Variants in FBXL8 observed in about 807,000 individuals in gnomAD.
FBXL8 encodes F-box/LRR-repeat protein 8.
In FBXL8, 13 loss-of-function variants were observed where a neutral mutation model predicts 8.2. The observed-to-expected ratio is 1.58, with a 90% CI of 1.03 to 2.51. FBXL8 has a LOEUF of 2.51. Ranked by LOEUF, FBXL8 falls within the 30% of genes most tolerant of loss-of-function variation. The probability of loss-of-function intolerance (pLI) is 0.00; values close to 1 mark genes in which losing one functional copy is unlikely to be tolerated. For missense variants in FBXL8, 565 were observed against 540.4 expected (o/e 1.05, Z -0.45); for synonymous variants, 271 against 260.5 (o/e 1.04, Z -0.39).
At chr16:67,161,623 GCTGT>G in intron 1 of FBXL8, 108 bp from the exon 2 acceptor site, 3 of 767,136 alleles carry the variant, frequency 3.9e-6, no homozygotes, top group Non-Finnish European at 5.8e-6. Flanking sequence ...GATGCCCCAC[GCTGT>G]CTGAGAGGCC....
At chr16:67,162,788 G>A (rs2030961962) in intron 2 of FBXL8, 60 bp from the exon 3 acceptor site, 9 of 1,548,168 alleles carry the variant, frequency 5.8e-6, no homozygotes, top group Non-Finnish European at 7.9e-6. Context: ...GGTGGGTAGA[G>A]GCTTCTCCGC....
chr16:67,163,104 C>T lies in FBXL8; in HGVS notation c.409C>T (p.Leu137=). 6.3e-7 allele frequency: 1 copy of T among 1,581,536 alleles called. No individual in the cohort carries two copies. The highest frequency in any genetic ancestry group is 8.6e-7 in the Non-Finnish European group (1 of 1,164,534). The change falls in exon 3 of 3, where the codon CTA becomes TTA. Residue 137 remains leucine, a synonymous_variant. Transcript: ENST00000258200. The part of the protein sequence containing the change: ...VHAVCGAASQ[L]RHLDLRRLSF... Reference sequence around the variant, plus strand: ...CGCTGTATGCGGGGCGGCCAGCCAGCTACGCCACCTCGACCTGCGGCGCTT... The same window carrying T: ...CGCTGTATGCGGGGCGGCCAGCCAGTTACGCCACCTCGACCTGCGGCGCTT...
chr16:67,159,970 C>G lies in FBXL8; in HGVS notation c.-138C>G, dbSNP rs2030846133. On this transcript the variant is annotated 5_prime_UTR_variant, in exon 1 of 3. Transcript: ENST00000258200. The surrounding 1 kb of genome is among the most constrained non-coding windows in gnomAD (Gnocchi z 6.8). ...CCCCGTCCGCCCGCGCGTCCCGCCC[C>G]GCGGGCTCCCGGTGGCTGCTTCCCG... 1 of 152,340 alleles carries G rather than the reference C, an allele frequency of 6.6e-6. No individual in the cohort carries two copies. Among genetic ancestry groups the G allele is most frequent in the Non-Finnish European group, 1.5e-5 (1 of 68,144 alleles). The allele number at this position is 152,340 out of a possible 1,614,324, so 9.4% of individuals were successfully genotyped here.
intron 1 of FBXL8, 85 bp from the exon 2 acceptor site, chr16:67,161,650 G>A: frequency 8.7e-7 from 1 of 1,143,676 alleles, no homozygotes; most frequent in South Asian, 1.8e-5. Flanking sequence ...CAGTTCCTCA[G>A]GCCACAAGCA....
At chr16:67,162,577 T>A (rs544747055) in intron 2 of FBXL8, 12 of 705,676 alleles carry the variant, frequency 1.7e-5, no homozygotes, top group South Asian at 3.0e-5. Context: ...ATGCCAAGAC[T>A]CCTTAGAGAC....
intron 1 of FBXL8, 65 bp downstream of exon 1, chr16:67,160,121 C>T (rs1306236638): frequency 6.6e-6 from 1 of 152,194 alleles, no homozygotes; most frequent in South Asian, 2.1e-4. Flanking sequence ...GCGATTCTTA[C>T]GAGGCGGGGG....
In FBXL8 at chr16:67,161,911, C is replaced by T. The variant is rs755833140; in HGVS notation, c.126C>T (p.Ser42=). Residue 42 remains serine, a synonymous_variant, in exon 2 of 3, where the codon AGC becomes AGT. Coordinates refer to ENST00000258200, the MANE Select transcript of FBXL8 (RefSeq NM_018378.3). ...CRAWAAAATC[S]AVWHDTKISC... ...CCTGGGCCGCCGCTGCTACCTGCAG[C>T]GCCGTGTGGCACGACACAAAAATCA... 109 of 1,609,692 alleles carry T rather than the reference C, an allele frequency of 6.8e-5. No individual in the cohort carries two copies. Among genetic ancestry groups the T allele is most frequent in the Non-Finnish European group, 8.3e-5 (98 of 1,178,566 alleles).
rs980591098 is a variant in FBXL8 at position 67,163,210 on chromosome 16, G to A, written c.515G>A (p.Ser172Asn). 2 of 1,566,254 alleles carry A rather than the reference G, an allele frequency of 1.3e-6. No individual in the cohort carries two copies. Among genetic ancestry groups the A allele is most frequent in the East Asian group, 2.4e-5 (1 of 42,116 alleles). ...CTCCACAGCCTTTTTCTGGACAACA[G>A]TACCCTAGTGGGCAGCGTGGGTCCC... ...PELHSLFLDN[S>N]TLVGSVGPGS... Residue 172 changes from serine to asparagine, a missense_variant, in exon 3 of 3, where the codon AGT becomes AAT. Transcript: ENST00000258200.
rs1226927149 is a variant in FBXL8, at chr16:67,164,023, C to T, written c.*203C>T. ...CGCTGCTCTCACCCTCTGCAGACGC[C>T]CCACCCGCTCGGTCCTGGACACACT... On this transcript the variant is annotated 3_prime_UTR_variant, in exon 3 of 3. Coordinates refer to ENST00000258200, the MANE Select transcript of FBXL8 (RefSeq NM_018378.3). The T allele has an allele frequency of 2.6e-6, 2 of 761,780 alleles. No homozygotes were observed. Among genetic ancestry groups the T allele is most frequent in the South Asian group, 2.9e-5 (2 of 67,962 alleles). The allele number at this position is 761,780 out of a possible 1,614,324, so 47.2% of individuals were successfully genotyped here. A position where few individuals can be genotyped will look rare whatever the true frequency, so the allele number is the denominator to read the frequency against.
At position 67,163,772 on chromosome 16, in the gene FBXL8, C is replaced by G; in HGVS notation, c.1077C>G (p.Leu359=). 2 of 1,576,020 alleles carry G rather than the reference C, an allele frequency of 1.3e-6. No individual in the cohort carries two copies. The highest frequency in any genetic ancestry group is 1.7e-6 in the Non-Finnish European group (2 of 1,170,560). Residue 359 remains leucine, a synonymous_variant, in exon 3 of 3, where the codon CTC becomes CTG. Coordinates refer to ENST00000258200, the MANE Select transcript of FBXL8 (RefSeq NM_018378.3). ...GCCCGCGCCTGCGCACCTATACCCTCAAGCTCACGCGCGAGCCGCATCCCT... is the reference window on the plus strand; with the variant it reads ...GCCCGCGCCTGCGCACCTATACCCTGAAGCTCACGCGCGAGCCGCATCCCT... The part of the protein sequence containing the change: ...AHCPRLRTYT[L]KLTREPHPWR...
rs931757537 is a variant in FBXL8, at chr16:67,161,743, T to C, written c.-43T>C. ...CGTCCGTCTCTCTCCAGGCCGGAGC[T>C]ATTGGGAGTGGCGGATCCTCCCACC... On this transcript the variant is annotated 5_prime_UTR_variant, in exon 2 of 3. Transcript: ENST00000258200. The C allele has an allele frequency of 6.5e-7, 1 of 1,539,234 alleles. No individual in the cohort carries two copies. Among genetic ancestry groups the C allele is most frequent in the African/African-American group, 1.4e-5 (1 of 72,844 alleles).
In FBXL8 at chr16:67,161,828, C is replaced by T. The variant is rs892358418; in HGVS notation, c.43C>T (p.Leu15Phe). 6.2e-7 allele frequency: 1 copy of T among 1,610,622 alleles called. No individual in the cohort carries two copies. The highest frequency in any genetic ancestry group is 1.3e-5 in the African/African-American group (1 of 74,996). Residue 15 changes from leucine (L) to phenylalanine (F), a missense_variant, in exon 2 of 3, where the codon CTC becomes TTC. By Grantham distance (22) the Leu-to-Phe change is conservative. Transcript: ENST00000258200. ...GGGACTGCCAGAGGAGGTGCTGGCA[C>T]TCATCTTCCGCCACCTGTCCCTGAG... is the stretch of plus-strand genomic sequence containing the variant. ...GEGLPEEVLA[L>F]IFRHLSLRDR...
In FBXL8 at chr16:67,163,558, C is replaced by T. The variant is rs2031017601; in HGVS notation, c.863C>T (p.Thr288Ile). 6.3e-7 allele frequency: 1 copy of T among 1,580,134 alleles called. No individual in the cohort carries two copies. Among genetic ancestry groups the T allele is most frequent in the Non-Finnish European group, 8.5e-7 (1 of 1,171,620 alleles). Residue 288 changes from threonine to isoleucine, a missense_variant, in exon 3 of 3, where the codon ACC (threonine) becomes ATC (isoleucine). Transcript: ENST00000258200. ...AALRLNLSGD[T>I]VGPVRFAAHH... is the part of the protein sequence containing the mutation. Reference sequence around the variant, plus strand: ...CTGCGCCTCAACCTCTCAGGCGACACCGTAGGCCCAGTGCGCTTCGCAGCA... The same window carrying T: ...CTGCGCCTCAACCTCTCAGGCGACATCGTAGGCCCAGTGCGCTTCGCAGCA...
rs759949823 is a variant in FBXL8, at chr16:67,163,477, C to T, written c.782C>T (p.Ala261Val). 8.5e-6 allele frequency: 13 copies of T among 1,536,120 alleles called. No individual in the cohort carries two copies. The highest frequency in any genetic ancestry group is 1.9e-4 in the Middle Eastern group (1 of 5,398). ...GCAGTGGAGCTGGAGCTGGAGCCCG[C>T]GCTGCCCGCTGAGAGCGTGACGCGC... ...GLAVELELEPALPAESVTRVL... is the reference protein window; with the variant it reads ...GLAVELELEPVLPAESVTRVL... Residue 261 changes from alanine to valine, a missense_variant, in exon 3 of 3, where the codon GCG becomes GTG. Coordinates refer to ENST00000258200, the MANE Select transcript of FBXL8 (RefSeq NM_018378.3).
intron 1 of FBXL8, chr16:67,161,074 A>C (rs920141443): frequency 6.5e-6 from 1 of 153,934 alleles, no homozygotes; most frequent in Non-Finnish European, 1.4e-5. Context: ...GGTCCCTGAC[A>C]AAGAAAAGCC....
In FBXL8 at chr16:67,162,886, T is replaced by C. The variant is rs1037130802; in HGVS notation, c.191T>C (p.Leu64Pro). 1.4e-5 allele frequency: 22 copies of C among 1,551,446 alleles called. No homozygotes were observed. In the African/African-American group the frequency reaches 2.9e-4, roughly 20 times the overall value. ...CELEGMLPPY[L>P]SACLDHIHNL... ...CTGGAAGGCATGCTGCCACCTTATCTGTCCGCCTGCCTCGACCACATTCAC... is the reference window on the plus strand; with the variant it reads ...CTGGAAGGCATGCTGCCACCTTATCCGTCCGCCTGCCTCGACCACATTCAC... The change falls in exon 3 of 3, where the codon CTG becomes CCG. Residue 64 changes from leucine (L) to proline (P), a missense_variant. Transcript: ENST00000258200.
intron 2 of FBXL8, 39 bp from the exon 3 acceptor site, chr16:67,162,809 G>A (rs755437834): frequency 2.5e-5 from 38 of 1,548,784 alleles, no homozygotes; most frequent in Non-Finnish European, 3.3e-5. Flanking sequence ...TGGTCGCAGG[G>A]ACTCAGCTGA....
chr16:67,163,081 C>T lies in FBXL8; in HGVS notation c.386C>T (p.Ala129Val), dbSNP rs770023694. Residue 129 changes from alanine to valine, a missense_variant, in exon 3 of 3, where the codon GCT becomes GTT. By Grantham distance (64) the Ala-to-Val change is moderately conservative (BLOSUM62 0). Transcript: ENST00000258200. ...AGRDVLEAVHAVCGAASQLRH... is the reference protein window; with the variant it reads ...AGRDVLEAVHVVCGAASQLRH... ...CGCGACGTCCTGGAGGCTGTGCACGCTGTATGCGGGGCGGCCAGCCAGCTA... is the reference window on the plus strand; with the variant it reads ...CGCGACGTCCTGGAGGCTGTGCACGTTGTATGCGGGGCGGCCAGCCAGCTA... The T allele has an allele frequency of 1.6e-5, 26 of 1,580,934 alleles. No homozygotes were observed. The South Asian group carries it at 3.0e-4, about 18-fold the overall frequency.
chr16:67,161,798 G>A lies in FBXL8; in HGVS notation c.13G>A (p.Gly5Arg). The change falls in exon 2 of 3, where the codon GGA (glycine) becomes AGA (arginine). Residue 5 changes from glycine (G) to arginine (R), a missense_variant. Physicochemically the swap from Gly to Arg is moderately radical, Grantham distance 125. Transcript: ENST00000258200. ...CCGGATCTGGGCCATGGCCGAGCCT[G>A]GAGAGGGACTGCCAGAGGAGGTGCT... MAEP[G>R]EGLPEEVLAL... 6.2e-7 allele frequency: 1 copy of A among 1,607,228 alleles called. No individual in the cohort carries two copies. Among genetic ancestry groups the A allele is most frequent in the Non-Finnish European group, 8.5e-7 (1 of 1,176,854 alleles).
Sources: gnomAD v4.1 joint callset for allele counts on GRCh38, gnomAD v4.1.1 for gene constraint, Gnocchi (gnomAD v3.1) non-coding constraint, MANE v1.5 for transcripts, NCBI Gene and HGNC (gene_info 2026-07-23, HGNC 2026-07-21) for gene names.